The following ZC3H14 variants were observed in gnomAD, a reference collection of about 807,000 sequenced individuals.
The protein encoded by ZC3H14 is zinc finger CCCH domain-containing protein 14.
ZC3H14 carries 31 observed loss-of-function variants against 92.4 expected under a neutral mutation model. The observed-to-expected ratio is 0.34, with a 90% CI of 0.25 to 0.45. The LOEUF is 0.45. ZC3H14 is among the 20% of genes least tolerant of loss of function. ZC3H14 has a pLI of 1.00. For missense variants in ZC3H14, 781 were observed against 897.3 expected, an observed-to-expected ratio of 0.87 and a Z score of 1.66; for synonymous variants, 321 against 300.9, an observed-to-expected ratio of 1.07 and a Z score of -0.69.
intron 12 of ZC3H14, among the ~76,000 whole-genome samples, chr14:88,604,922 C>T (rs548521575): frequency 6.6e-6 from 1 of 152,250 alleles, no homozygotes; most frequent in East Asian, 1.9e-4. Context: ...GTGAATTTGC[C>T]TCTTAAAATT....
At chr14:88,585,834 C>T (rs10139181) in intron 9 of ZC3H14, among the ~76,000 whole-genome samples, 1 of 152,162 alleles carries the variant, frequency 6.6e-6, no homozygotes, top group East Asian at 1.9e-4. Flanking sequence ...TTATCCTCCT[C>T]ATTTACTTGT....
intron 12 of ZC3H14, 114 bp downstream of exon 12, chr14:88,603,174 A>G: frequency 9.7e-7 from 1 of 1,032,904 alleles, no homozygotes; most frequent in Admixed American, 2.0e-5. Flanking sequence ...TATATTCAGT[A>G]ATGGCCTTTT....
At position 88,563,636 on chromosome 14, in the gene ZC3H14, C is replaced by T. The variant is rs1566872464; in HGVS notation, c.37-15C>T. On this transcript the variant is annotated splice_polypyrimidine_tract_variant and intron_variant, in intron 1 of 16. Transcript: ENST00000251038. Reference sequence around the variant, plus strand: ...GCCGCCTTTCTCACATGCACGTTTGCTCTTTTTCTCTCAGAGTGCCATTAA... The same window carrying T: ...GCCGCCTTTCTCACATGCACGTTTGTTCTTTTTCTCTCAGAGTGCCATTAA... 1.9e-6 allele frequency: 3 copies of T among 1,613,998 alleles called. No individual in the cohort carries two copies. The highest frequency in any genetic ancestry group is 2.5e-6 in the Non-Finnish European group (3 of 1,179,936).
Position 88,625,145 on chromosome 14 carries a change from A to AG in ZC3H14, c.*13399dup, listed in dbSNP as rs771100704. 1 of 1,611,990 alleles carries AG rather than the reference A, an allele frequency of 6.2e-7. No individual in the cohort carries two copies. Among genetic ancestry groups the AG allele is most frequent in the African/African-American group, 1.3e-5 (1 of 74,918 alleles). On this transcript the variant is annotated 3_prime_UTR_variant, in exon 17 of 17. Coordinates refer to ENST00000251038, the MANE Select transcript of ZC3H14 (RefSeq NM_024824.5). ...AAGTTATTCTGAAAAGGAGTGGGGGAGGGGGAGACAAACTCATCAAAAGTT... is the reference window on the plus strand; with the variant it reads ...AAGTTATTCTGAAAAGGAGTGGGGGAGGGGGGAGACAAACTCATCAAAAGTT...
chr14:88,565,212 G>A (rs1266387196), intron 2 of ZC3H14, among the ~76,000 whole-genome samples: 2 of 152,090 alleles, frequency 1.3e-5, no homozygotes, highest in Non-Finnish European at 2.9e-5. Flanking sequence ...CGTGATCTTG[G>A]CTCACTGCAA....
Position 88,618,553 on chromosome 14 carries a change from T to C in ZC3H14, c.*6802T>C. 1 of 1,382,402 alleles carries C rather than the reference T, an allele frequency of 7.2e-7. No homozygotes were observed. The highest frequency in any genetic ancestry group is 2.4e-5 in the East Asian group (1 of 40,904). The allele number at this position is 1,382,402 out of a possible 1,614,324, so 85.6% of individuals were successfully genotyped here. A position where few individuals can be genotyped will look rare whatever the true frequency, so the allele number is the denominator to read the frequency against. On this transcript the variant is annotated 3_prime_UTR_variant, in exon 17 of 17. Coordinates refer to ENST00000251038, the MANE Select transcript of ZC3H14 (RefSeq NM_024824.5). ...GGTACAAAGGGAGGAGTTGAGAAGC[T>C]GGAGCTCTGGAGCTCAGGAACTTTA... is the stretch of plus-strand genomic sequence containing the variant.
chr14:88,616,346 G>C lies in ZC3H14; in HGVS notation c.*4595G>C. 8.7e-7 allele frequency: 1 copy of C among 1,145,412 alleles called. No homozygotes were observed. Among genetic ancestry groups the C allele is most frequent in the South Asian group, 1.3e-5 (1 of 76,586 alleles). The allele number at this position is 1,145,412 out of a possible 1,614,324, so 71.0% of individuals were successfully genotyped here. On this transcript the variant is annotated 3_prime_UTR_variant, in exon 17 of 17. Transcript: ENST00000251038. Reference sequence around the variant, plus strand: ...TATGACAAGAGCTGTGGAGAGAGTAGGGAGTTAGCACCGCAGCCAGTGATT... The same window carrying C: ...TATGACAAGAGCTGTGGAGAGAGTACGGAGTTAGCACCGCAGCCAGTGATT...
Position 88,622,998 on chromosome 14 carries a change from A to C in ZC3H14, c.*11247A>C. 1 of 249,894 alleles carries C rather than the reference A, an allele frequency of 4.0e-6. No homozygotes were observed. Among genetic ancestry groups the C allele is most frequent in the Non-Finnish European group, 7.5e-6 (1 of 134,210 alleles). 15.5% of individuals were successfully genotyped at this position (249,894 alleles called of 1,614,324 possible). A position where few individuals can be genotyped will look rare whatever the true frequency, so the allele number is the denominator to read the frequency against. The stretch of plus-strand genomic sequence containing the variant: ...TAGCCTCTACAATACATTACAATAC[A>C]TTATCCTCTCTCATAATACTTTTTT... On this transcript the variant is annotated 3_prime_UTR_variant, in exon 17 of 17. Coordinates refer to ENST00000251038, the MANE Select transcript of ZC3H14 (RefSeq NM_024824.5).
Position 88,609,737 on chromosome 14 carries a change from C to T in ZC3H14, c.2031C>T (p.Ser677=), listed in dbSNP as rs2086233083. 4.3e-6 allele frequency: 7 copies of T among 1,614,076 alleles called. No homozygotes were observed. The highest frequency in any genetic ancestry group is 5.9e-6 in the Non-Finnish European group (7 of 1,180,040). ...KPAVAPPAPP[S]SSQLCRYFPA... is the part of the protein sequence containing the mutation. ...CAGTTGCACCACCAGCACCACCTTC[C>T]AGTAGTCAGCTCTGCCGTTACTTCC... The change falls in exon 15 of 17, where the codon TCC becomes TCT. Residue 677 remains serine (S), a synonymous_variant. Coordinates refer to ENST00000251038, the MANE Select transcript of ZC3H14 (RefSeq NM_024824.5).
chr14:88,601,780 C>A, intron 10 of ZC3H14, 144 bp from the exon 11 acceptor site: 1 of 948,966 alleles, frequency 1.1e-6, no homozygotes, highest in Non-Finnish European at 1.6e-6. Context: ...AATTATAGCC[C>A]TGTTTTCCTG....
At chr14:88,575,810 T>A in intron 7 of ZC3H14, 30 bp from the exon 8 acceptor site, 1 of 1,582,628 alleles carries the variant, frequency 6.3e-7, no homozygotes, top group Non-Finnish European at 8.7e-7. Context: ...ATTTAAAGTT[T>A]AATAAAAATA....
At position 88,618,857 on chromosome 14, in the gene ZC3H14, T is replaced by C; in HGVS notation, c.*7106T>C. 1 of 1,502,296 alleles carries C rather than the reference T, an allele frequency of 6.7e-7. No homozygotes were observed. The highest frequency in any genetic ancestry group is 8.9e-7 in the Non-Finnish European group (1 of 1,124,844). 93.1% of individuals were successfully genotyped at this position (1,502,296 alleles called of 1,614,324 possible). A position where few individuals can be genotyped will look rare whatever the true frequency, so the allele number is the denominator to read the frequency against. On this transcript the variant is annotated 3_prime_UTR_variant, in exon 17 of 17. Transcript: ENST00000251038. The stretch of plus-strand genomic sequence containing the variant: ...AAAAAGTATTAGACCACATGAAGTA[T>C]TATAAATACTTAAGATCAGTGACTT...
intron 6 of ZC3H14, 73 bp downstream of exon 6, chr14:88,573,080 A>G: frequency 6.6e-7 from 1 of 1,525,972 alleles, no homozygotes; most frequent in East Asian, 2.3e-5. Context: ...TATATGAAGT[A>G]ACTAAACACA....
chr14:88,608,952 TTATTG>T (rs946981613), intron 13 of ZC3H14: 3 of 342,180 alleles, frequency 8.8e-6, no homozygotes, highest in Admixed American at 4.7e-5. Context: ...GAGGATGTGT[TTATTG>T]TATTAATGAG....
intron 1 of ZC3H14, 118 bp downstream of exon 1, chr14:88,563,287 C>G: frequency 1.3e-6 from 2 of 1,532,892 alleles, no homozygotes; most frequent in South Asian, 2.4e-5. Flanking sequence ...CTGGACGCTC[C>G]TGGCGGGCTG....
chr14:88,576,344 A>G (rs1208761773), intron 8 of ZC3H14, among the ~76,000 whole-genome samples: 1 of 152,256 alleles, frequency 6.6e-6, no homozygotes, highest in African/African-American at 2.4e-5. Flanking sequence ...TTTGTTAAAC[A>G]GTAGTATATA....
chr14:88,600,179 T>C (rs2140036697), intron 10 of ZC3H14, among the ~76,000 whole-genome samples: 1 of 152,364 alleles, frequency 6.6e-6, no homozygotes, highest in East Asian at 1.9e-4. Flanking sequence ...CAGCTTTCTC[T>C]TCCGCCTGTC....
chr14:88,569,238 T>C (rs2080087025), intron 3 of ZC3H14, among the ~76,000 whole-genome samples: 1 of 152,178 alleles, frequency 6.6e-6, no homozygotes, highest in South Asian at 2.1e-4. Flanking sequence ...CTGGGTTGGC[T>C]TCTTACATTG....
Position 88,625,213 on chromosome 14 carries a change from C to T in ZC3H14, c.*13462C>T. The T allele has an allele frequency of 2.1e-6, 3 of 1,438,016 alleles. No individual in the cohort carries two copies. Among genetic ancestry groups the T allele is most frequent in the Non-Finnish European group, 2.8e-6 (3 of 1,060,732 alleles). 89.1% of individuals were successfully genotyped at this position (1,438,016 alleles called of 1,614,324 possible). A position where few individuals can be genotyped will look rare whatever the true frequency, so the allele number is the denominator to read the frequency against. On this transcript the variant is annotated 3_prime_UTR_variant, in exon 17 of 17. Transcript: ENST00000251038. ...GATAATTTTCTATGTATGTGTAATG[C>T]TGTCTCACCCTTGATACAAAGAGCA...
Sources: allele counts gnomAD v4.1 joint callset (sites outside exome capture counted in the v4.1 genomes callset), GRCh38; gene constraint gnomAD v4.1.1; transcripts MANE v1.5; gene names NCBI Gene and HGNC (gene_info 2026-07-23, HGNC 2026-07-21).